The following DLGAP2 variants were observed in gnomAD, a reference collection of about 807,000 sequenced individuals.
DLGAP2 encodes the protein DLG associated protein 2, also known as disks large-associated protein 2.
DLGAP2 carries 26 observed loss-of-function variants against 100.3 expected under a neutral mutation model. The observed-to-expected ratio is 0.26, with a 90% CI of 0.19 to 0.36. The LOEUF (loss-of-function observed/expected upper bound fraction) is 0.36. Among genes scored for constraint, DLGAP2 ranks in the 10% least tolerant of loss-of-function variants. DLGAP2 has a pLI of 1.00. For missense variants in DLGAP2, 1,858 were observed against 1,453.2 expected (o/e 1.28, Z -4.53); for synonymous variants, 886 against 630.1 (o/e 1.41, Z -6.08).
At chr8:1,189,957 A>G (rs910278119) in intron 2 of DLGAP2, among the ~76,000 whole-genome samples, 11 of 152,192 alleles carry the variant, frequency 7.2e-5, no homozygotes, top group African/African-American at 2.7e-4. Context: ...AAGTAGGGTG[A>G]ATGAGATTGC....
intron 3 of DLGAP2, among the ~76,000 whole-genome samples, chr8:1,326,977 A>G (rs561560645): frequency 2.0e-5 from 3 of 152,364 alleles, no homozygotes; most frequent in African/African-American, 7.2e-5. Context: ...TTGAGCAATG[A>G]CACAGGCCTT....
At chr8:1,114,927 A>G (rs1032332505) in intron 2 of DLGAP2, among the ~76,000 whole-genome samples, 2 of 152,018 alleles carry the variant, frequency 1.3e-5, no homozygotes, top group African/African-American at 4.8e-5. Context: ...GAACTTCTTG[A>G]TTTCTGCCTT....
rs190087953 is a variant in DLGAP2 at position 1,506,757 on chromosome 8, T to C, written c.172+5326T>C. Among the ~76,000 whole-genome samples the C allele has an allele frequency of 1.6e-4, 25 of 152,158 alleles. 1 individual carries two copies. The East Asian group carries it at 4.6e-3, about 28-fold the overall frequency. On this transcript the variant is annotated intron_variant, in intron 4 of 14. Coordinates refer to ENST00000637795, the MANE Select transcript of DLGAP2 (RefSeq NM_001346810.2). The stretch of plus-strand genomic sequence containing the variant: ...TTTGACAGGGTGCTGATTGGTGCAT[T>C]TACAATCCCTGAGCTAGACAAAGAG...
chr8:1,041,737 G>A (rs960101437), intron 2 of DLGAP2, among the ~76,000 whole-genome samples: 21 of 139,320 alleles, frequency 1.5e-4, no homozygotes, highest in Non-Finnish European at 2.6e-4. Flanking sequence ...GCCCCTTGCC[G>A]TGGGTGAGTG....
At chr8:1,539,062 T>A (rs372847947) in intron 4 of DLGAP2, among the ~76,000 whole-genome samples, 4 of 152,162 alleles carry the variant, frequency 2.6e-5, no homozygotes, top group African/African-American at 7.2e-5. Context: ...ATTTTTGTAT[T>A]TTTAGTAGAG....
chr8:907,060 A>G (rs980684000), intron 1 of DLGAP2, among the ~76,000 whole-genome samples: 4 of 152,192 alleles, frequency 2.6e-5, no homozygotes, highest in Admixed American at 1.3e-4. Context: ...AGCCAGACTG[A>G]AAGTCGATCG....
intron 3 of DLGAP2, among the ~76,000 whole-genome samples, chr8:1,294,828 T>C (rs1381885172): frequency 1.3e-5 from 2 of 151,268 alleles, no homozygotes; most frequent in Admixed American, 1.3e-4. Context: ...GAGATTGTGC[T>C]GTTGCATTCC....
At chr8:1,661,932 G>T (rs1465583027) in intron 8 of DLGAP2, among the ~76,000 whole-genome samples, 2 of 152,242 alleles carry the variant, frequency 1.3e-5, no homozygotes, top group African/African-American at 4.8e-5. Context: ...AGTATGGTGA[G>T]CCTGGGTGCT....
At chr8:1,141,214 C>G (rs866780320) in intron 2 of DLGAP2, among the ~76,000 whole-genome samples, 3 of 152,116 alleles carry the variant, frequency 2.0e-5, no homozygotes, top group South Asian at 4.1e-4. Context: ...GTGGGAGTGA[C>G]AGGGAGTGTT....
intron 2 of DLGAP2, among the ~76,000 whole-genome samples, chr8:1,253,091 C>T (rs1458845199): frequency 6.6e-6 from 1 of 152,198 alleles, no homozygotes; most frequent in African/African-American, 2.4e-5. Context: ...CCGGGCCTGT[C>T]CCCGCGTGGC....
At chr8:1,219,402 TATGTGATGA>T (rs1401264158) in intron 2 of DLGAP2, among the ~76,000 whole-genome samples, 5 of 152,220 alleles carry the variant, frequency 3.3e-5, no homozygotes, top group African/African-American at 1.2e-4. Context: ...TAGTTATGAT[TATGTGATGA>T]ATCACATTTA....
intron 2 of DLGAP2, among the ~76,000 whole-genome samples, chr8:1,119,279 A>G (rs1795978735): frequency 6.6e-6 from 1 of 152,118 alleles, no homozygotes; most frequent in African/African-American, 2.4e-5. Flanking sequence ...AGCCTTTGAC[A>G]TAATATAAGC....
At chr8:1,183,713 T>C (rs1213618213) in intron 2 of DLGAP2, among the ~76,000 whole-genome samples, 4 of 152,194 alleles carry the variant, frequency 2.6e-5, no homozygotes, top group African/African-American at 4.8e-5. Context: ...TCCTCATTTC[T>C]GTTATCACCG....
At chr8:1,579,465 T>C (rs1010667826) in intron 6 of DLGAP2, among the ~76,000 whole-genome samples, 1 of 152,108 alleles carries the variant, frequency 6.6e-6, no homozygotes, top group Non-Finnish European at 1.5e-5. Flanking sequence ...TTATTTATGA[T>C]ACAAGCCAAC....
chr8:1,363,370 G>A (rs369224685), intron 3 of DLGAP2, among the ~76,000 whole-genome samples: 19 of 152,256 alleles, frequency 1.2e-4, no homozygotes, highest in African/African-American at 3.6e-4. Flanking sequence ...CCGGTCCCAC[G>A]TCCGTGGCAC....
intron 3 of DLGAP2, among the ~76,000 whole-genome samples, chr8:1,355,608 C>T (rs185279480): frequency 1.2e-4 from 19 of 152,266 alleles, no homozygotes; most frequent in Admixed American, 1.0e-3. Flanking sequence ...CATGATCCAC[C>T]TGTCTCGGCC....
chr8:1,443,384 A>G (rs924345787), intron 3 of DLGAP2, among the ~76,000 whole-genome samples: 1 of 152,170 alleles, frequency 6.6e-6, no homozygotes. Context: ...TTTGGATGTT[A>G]ATACTTCCAG....
At chr8:1,039,158 G>GTGGTCAGCTCGGTGTGCA (rs2129029700) in intron 2 of DLGAP2, among the ~76,000 whole-genome samples, 1 of 76,490 alleles carries the variant, frequency 1.3e-5, no homozygotes, top group Non-Finnish European at 3.5e-5. Context: ...GTGGAAATGC[G>GTGGTCAGCTCGGTGTGCA]TGGTCAGCTC....
intron 1 of DLGAP2, among the ~76,000 whole-genome samples, chr8:890,586 G>A (rs903397504): frequency 6.6e-5 from 10 of 151,894 alleles, no homozygotes; most frequent in African/African-American, 2.4e-4. Flanking sequence ...TCCCTCTGCG[G>A]CTGCGTAATT....
Sources: gnomAD v4.1 joint callset for allele counts (sites outside exome capture counted in the v4.1 genomes callset) on GRCh38, gnomAD v4.1.1 for gene constraint, MANE v1.5 for transcripts, NCBI Gene and HGNC (gene_info 2026-07-23, HGNC 2026-07-21) for gene names.